Variants in INO80D observed in about 807,000 individuals in gnomAD.
The protein encoded by INO80D is INO80 complex subunit D.
INO80D carries 21 observed loss-of-function variants against 87.6 expected under a neutral mutation model. The ratio of observed to expected loss-of-function variants is 0.24; its 90% CI spans 0.17 to 0.35. INO80D has a LOEUF of 0.35. Among genes scored for constraint, INO80D ranks in the 10% least tolerant of loss-of-function variants. INO80D has a pLI of 1.00. For missense variants in INO80D, 982 were observed against 1,280.7 expected (o/e 0.77, Z 3.56); for synonymous variants, 440 against 491.0 (o/e 0.90, Z 1.37).
chr2:206,067,370 G>A (rs1479906380), intron 1 of INO80D, among the ~76,000 whole-genome samples: 1 of 152,054 alleles, frequency 6.6e-6, no homozygotes, highest in Non-Finnish European at 1.5e-5. Context: ...ATGGCTAGAT[G>A]GGAGGAATAA....
chr2:206,051,698 A>G (rs964200297), intron 4 of INO80D, among the ~76,000 whole-genome samples: 1 of 152,066 alleles, frequency 6.6e-6, no homozygotes, highest in Non-Finnish European at 1.5e-5. Context: ...AGAGAATCTC[A>G]CTATGTTTCC....
intron 10 of INO80D, among the ~76,000 whole-genome samples, chr2:206,006,110 A>C (rs1395864575): frequency 1.3e-5 from 2 of 152,012 alleles, no homozygotes; most frequent in African/African-American, 4.8e-5. Context: ...CTTTCCCCTC[A>C]TCCTCTTCCC....
intron 5 of INO80D, among the ~76,000 whole-genome samples, chr2:206,033,174 G>T (rs1575825511): frequency 6.6e-6 from 1 of 152,160 alleles, no homozygotes; most frequent in African/African-American, 2.4e-5. Context: ...GCAAGTAGGG[G>T]TAGCTATTCT....
intron 4 of INO80D, among the ~76,000 whole-genome samples, chr2:206,050,477 G>C (rs941477581): frequency 4.0e-5 from 5 of 123,552 alleles, no homozygotes; most frequent in African/African-American, 1.6e-4. Flanking sequence ...GGGTGACAGA[G>C]CAGGACTCCG....
rs981510692 is a variant in INO80D, at chr2:206,001,950, T to C, written c.*2418A>G. 6.6e-6 allele frequency: 1 copy of C among 152,156 alleles called. No homozygotes were observed. Among genetic ancestry groups the C allele is most frequent in the Non-Finnish European group, 1.5e-5 (1 of 68,026 alleles). 9.4% of individuals were successfully genotyped at this position (152,156 alleles called of 1,614,324 possible). On this transcript the variant is annotated 3_prime_UTR_variant, in exon 11 of 11. Transcript: ENST00000403263. ...TTTAAATGCACATAAAACAGAAAAT[T>C]GCAAACAATAAAATGTGCAACTTAC...
chr2:206,082,075 C>A (rs1189240447), intron 1 of INO80D, among the ~76,000 whole-genome samples: 1 of 152,150 alleles, frequency 6.6e-6, no homozygotes, highest in Admixed American at 6.5e-5. Context: ...GGCTGGAATG[C>A]AATGGTGCAA....
intron 8 of INO80D, among the ~76,000 whole-genome samples, chr2:206,016,347 T>C (rs1389202753): frequency 6.6e-6 from 1 of 152,166 alleles, no homozygotes; most frequent in Admixed American, 6.5e-5. Flanking sequence ...TTGGCCAATT[T>C]CTCCCATTTG....
At chr2:206,048,807 T>C (rs1427095315) in intron 4 of INO80D, among the ~76,000 whole-genome samples, 1 of 152,120 alleles carries the variant, frequency 6.6e-6, no homozygotes, top group Non-Finnish European at 1.5e-5. Context: ...GGCAGGAGGA[T>C]CGACTGACCC....
chr2:206,047,467 C>T (rs1689227385), intron 4 of INO80D, among the ~76,000 whole-genome samples: 2 of 152,072 alleles, frequency 1.3e-5, no homozygotes, highest in African/African-American at 4.8e-5. Context: ...GATCCACCTG[C>T]CTCGGCCTCC....
rs1559426847 is a variant in INO80D, at chr2:206,004,274, T to C, written c.*94A>G. The C allele has an allele frequency of 2.5e-6, 3 of 1,189,170 alleles. No individual in the cohort carries two copies. The highest frequency in any genetic ancestry group is 3.6e-6 in the Non-Finnish European group (3 of 841,090). 73.7% of individuals were successfully genotyped at this position (1,189,170 alleles called of 1,614,324 possible). On this transcript the variant is annotated 3_prime_UTR_variant, in exon 11 of 11. Transcript: ENST00000403263. The surrounding 1 kb of genome is among the most constrained non-coding windows in gnomAD (Gnocchi z 4.9). Reference sequence around the variant, plus strand: ...GTGCCCCTCTGATCCCCATCTGTTATATCTTCTTTAGGAAAAGGGGAGAGG... The same window carrying C: ...GTGCCCCTCTGATCCCCATCTGTTACATCTTCTTTAGGAAAAGGGGAGAGG...
chr2:206,074,974 G>A (rs1690072322), intron 1 of INO80D, among the ~76,000 whole-genome samples: 1 of 149,132 alleles, frequency 6.7e-6, no homozygotes. Flanking sequence ...AGGAGGCAGA[G>A]GTTGCTGTGA....
At chr2:206,061,293 G>A (rs1689684246) in intron 3 of INO80D, among the ~76,000 whole-genome samples, 1 of 152,144 alleles carries the variant, frequency 6.6e-6, no homozygotes, top group Non-Finnish European at 1.5e-5. Flanking sequence ...TTACAGGCGT[G>A]AGCCATCACA....
In INO80D at chr2:206,073,116, C is replaced by T. The variant is rs576085442; in HGVS notation, c.-123-9872G>A. On this transcript the variant is annotated intron_variant, in intron 1 of 10. Coordinates refer to ENST00000403263, the MANE Select transcript of INO80D (RefSeq NM_017759.5). ...CCTCCCAAAGTGCTGGGATTACAGG[C>T]GTGAGCCACCACAACCAGCCTGAAT... Among the ~76,000 whole-genome samples the T allele has an allele frequency of 4.6e-5, 7 of 152,220 alleles. No homozygotes were observed. In the South Asian group the frequency reaches 6.2e-4, roughly 14 times the overall value.
chr2:206,061,179 T>C (rs1358538174), intron 3 of INO80D, among the ~76,000 whole-genome samples: 1 of 152,134 alleles, frequency 6.6e-6, no homozygotes, highest in Non-Finnish European at 1.5e-5. Flanking sequence ...ACCTGGCTAA[T>C]TTTTGTATTT....
At position 206,003,927 on chromosome 2, in the gene INO80D, C is replaced by T. The variant is rs940013359; in HGVS notation, c.*441G>A. On this transcript the variant is annotated 3_prime_UTR_variant, in exon 11 of 11. Coordinates refer to ENST00000403263, the MANE Select transcript of INO80D (RefSeq NM_017759.5). ...TAGGTCAGAATCTTGACCTGCCACA[C>T]ACCATTTGCTGTCTCTTATACAGGA... 2 of 182,442 alleles carry T rather than the reference C, an allele frequency of 1.1e-5. No individual in the cohort carries two copies. The highest frequency in any genetic ancestry group is 5.3e-5 in the Admixed American group (1 of 18,844). 11.3% of individuals were successfully genotyped at this position (182,442 alleles called of 1,614,324 possible). A position where few individuals can be genotyped will look rare whatever the true frequency, so the allele number is the denominator to read the frequency against.
At chr2:206,011,508 G>A (rs1559432071) in intron 8 of INO80D, among the ~76,000 whole-genome samples, 3 of 152,270 alleles carry the variant, frequency 2.0e-5, no homozygotes, top group South Asian at 2.1e-4. Flanking sequence ...CTTTTACCTA[G>A]CTTCAGTGCA....
rs2105797919 is a variant in INO80D, at chr2:206,007,538, C to T, written c.1761-97G>A. 1.2e-5 allele frequency: 17 copies of T among 1,389,510 alleles called. No homozygotes were observed. The South Asian group carries it at 2.3e-4, about 19-fold the overall frequency. The allele number at this position is 1,389,510 out of a possible 1,614,324, so 86.1% of individuals were successfully genotyped here. ...ATTCAACATGAAAAGAAGCTAACGT[C>T]AGGCAGGGCACAGTGGCTCACACCT... On this transcript the variant is annotated intron_variant, in intron 9 of 10. Coordinates refer to ENST00000403263, the MANE Select transcript of INO80D (RefSeq NM_017759.5).
chr2:206,017,854 T>C (rs1363500242), intron 7 of INO80D, 41 bp from the exon 8 acceptor site: 36 of 1,554,352 alleles, frequency 2.3e-5, no homozygotes, highest in Middle Eastern at 1.7e-4. Flanking sequence ...ACTGAAACTC[T>C]AATTTTTCAA....
chr2:206,021,977 CA>C (rs1251703164), intron 6 of INO80D, among the ~76,000 whole-genome samples: 1 of 152,124 alleles, frequency 6.6e-6, no homozygotes, highest in Non-Finnish European at 1.5e-5. Flanking sequence ...GACTAGTGTA[CA>C]ATACATTCCC....
Sources: allele counts gnomAD v4.1 joint callset (sites outside exome capture counted in the v4.1 genomes callset), GRCh38; gene constraint gnomAD v4.1.1; non-coding constraint Gnocchi (gnomAD v3.1); transcripts MANE v1.5; gene names NCBI Gene and HGNC (gene_info 2026-07-23, HGNC 2026-07-21).